Variants in DACH2 observed in about 807,000 individuals in gnomAD.
DACH2 encodes dachshund family transcription factor 2, also known as dachshund homolog 2.
DACH2 carries 17 observed loss-of-function variants against 35.8 expected under a neutral mutation model. The ratio of observed to expected loss-of-function variants is 0.48; its 90% confidence interval spans 0.33 to 0.71. The LOEUF (loss-of-function observed/expected upper bound fraction) is 0.71. DACH2 is among the 30% of genes least tolerant of loss of function. DACH2 has a pLI of 0.02. For synonymous variants in DACH2, 195 were observed against 177.3 expected, an observed-to-expected ratio of 1.10 and a Z score of -0.79; for missense variants, 469 against 472.7, an observed-to-expected ratio of 0.99 and a Z score of 0.07.
intron 3 of DACH2, among the ~76,000 whole-genome samples, chrX:86,603,594 G>A (rs1453533104): frequency 9.0e-6 from 1 of 111,044 alleles, no homozygotes; most frequent in Non-Finnish European, 1.9e-5. Context: ...CAAGTTATCT[G>A]ACTGCTTTAT....
chrX:86,793,667 A>C, intron 7 of DACH2, among the ~76,000 whole-genome samples: 1 of 112,510 alleles, frequency 8.9e-6, no homozygotes, highest in Non-Finnish European at 1.9e-5. Flanking sequence ...CTTCTAATTT[A>C]AACTCTAATG....
At chrX:86,813,473 G>A (rs780134708) in intron 9 of DACH2, among the ~76,000 whole-genome samples, 196 bp downstream of exon 9, 1 of 105,782 alleles carries the variant, frequency 9.5e-6, no homozygotes, top group Admixed American at 1.0e-4. Flanking sequence ...TTAGCTGGGC[G>A]TGGTGGTGGG....
chrX:86,524,382 C>G (rs527850393), intron 3 of DACH2, among the ~76,000 whole-genome samples: 5 of 111,942 alleles, frequency 4.5e-5, no homozygotes, highest in African/African-American at 1.6e-4. Context: ...TTTAAATGAG[C>G]AATATTGGAA....
intron 3 of DACH2, among the ~76,000 whole-genome samples, chrX:86,598,900 C>T (rs905280855): frequency 9.2e-6 from 1 of 109,035 alleles, no homozygotes; most frequent in Non-Finnish European, 1.9e-5. Flanking sequence ...GTGTGCTGCA[C>T]CCATTAACTC....
At chrX:86,653,964 G>A (rs1463205935) in intron 4 of DACH2, among the ~76,000 whole-genome samples, 1 of 109,719 alleles carries the variant, frequency 9.1e-6, no homozygotes, top group African/African-American at 3.3e-5. Context: ...ACTGCGCCCA[G>A]CCAATATTTT....
intron 3 of DACH2, among the ~76,000 whole-genome samples, chrX:86,648,282 A>G (rs2040437986): frequency 9.0e-6 from 1 of 110,996 alleles, no homozygotes; most frequent in Non-Finnish European, 1.9e-5. Flanking sequence ...CTAACTTACT[A>G]TTTTCTAGTT....
chrX:86,543,888 T>A (rs1183910123), intron 3 of DACH2, among the ~76,000 whole-genome samples: 1 of 104,215 alleles, frequency 9.6e-6, no homozygotes, highest in Non-Finnish European at 2.0e-5. Flanking sequence ...TAATGCTAGA[T>A]GACGAGTTAG....
chrX:86,183,532 A>G (rs2031570606), intron 1 of DACH2, among the ~76,000 whole-genome samples: 4 of 111,589 alleles, frequency 3.6e-5, no homozygotes, highest in Admixed American at 1.9e-4. Context: ...AGCTGACTTG[A>G]TTGTGGTGGA....
chrX:86,209,176 T>C (rs1213554285), intron 1 of DACH2, among the ~76,000 whole-genome samples: 3 of 111,743 alleles, frequency 2.7e-5, no homozygotes, highest in Non-Finnish European at 5.7e-5. Flanking sequence ...CCTATGGATG[T>C]GGCACTTGTT....
At chrX:86,673,652 G>A (rs1316734810) in intron 4 of DACH2, among the ~76,000 whole-genome samples, 2 of 111,141 alleles carry the variant, frequency 1.8e-5, no homozygotes. Flanking sequence ...AGGGGTGATT[G>A]TATTTTGTAG....
intron 3 of DACH2, among the ~76,000 whole-genome samples, chrX:86,609,691 G>A (rs1325889331): frequency 8.9e-6 from 1 of 111,814 alleles, no homozygotes; most frequent in African/African-American, 3.3e-5. Context: ...GCCCAGTAGT[G>A]CTGTGTTTAT....
intron 6 of DACH2, among the ~76,000 whole-genome samples, chrX:86,737,437 G>A (rs1673538443): frequency 8.9e-6 from 1 of 111,850 alleles, no homozygotes; most frequent in Non-Finnish European, 1.9e-5. Flanking sequence ...AGCATATATT[G>A]TAGCTAATAT....
At chrX:86,297,869 A>G (rs1307600355) in intron 1 of DACH2, among the ~76,000 whole-genome samples, 6 of 112,002 alleles carry the variant, frequency 5.4e-5, no homozygotes, top group African/African-American at 1.3e-4. Context: ...AGTGACCGCT[A>G]TTAATAATTA....
intron 9 of DACH2, among the ~76,000 whole-genome samples, chrX:86,814,340 A>G (rs1039022896): frequency 2.0e-4 from 23 of 112,277 alleles, no homozygotes; most frequent in African/African-American, 7.1e-4. Flanking sequence ...TTTTCTTAAG[A>G]GGATTACAAA....
rs768655432 is a variant in DACH2, at chrX:86,411,036, A to ATATATATATATATATATATATG, written c.527+34177_527+34178insATATATATATATATATATGTAT. Among the ~76,000 whole-genome samples, 338 of 79,896 alleles carry ATATATATATATATATATATATG rather than the reference A, an allele frequency of 4.2e-3. 6 individuals are homozygous for ATATATATATATATATATATATG. Among genetic ancestry groups the ATATATATATATATATATATATG allele is most frequent in the Middle Eastern group, 6.6e-3 (1 of 151 alleles). 69.4% of individuals were successfully genotyped at this position (79,896 alleles called of 115,157 possible). A position where few individuals can be genotyped will look rare whatever the true frequency, so the allele number is the denominator to read the frequency against. On this transcript the variant is annotated intron_variant, in intron 2 of 11. Transcript: ENST00000373125. ...CTAATATGATTATATATATATATAT[A>ATATATATATATATATATATATG]TATGTATATATGTAAAGGGGAGTTT...
At chrX:86,723,847 G>T (rs1267134148) in intron 6 of DACH2, among the ~76,000 whole-genome samples, 1 of 110,528 alleles carries the variant, frequency 9.0e-6, no homozygotes, top group Non-Finnish European at 1.9e-5. Context: ...TCCTCTTGCT[G>T]AATTGATCAT....
chrX:86,512,752 C>G (rs1333797631), intron 2 of DACH2: 2 of 222,653 alleles, frequency 9.0e-6, no homozygotes. Context: ...GGATATATTC[C>G]GATGAACATT....
intron 7 of DACH2, among the ~76,000 whole-genome samples, chrX:86,805,409 G>C (rs955407513): frequency 8.9e-6 from 1 of 112,655 alleles, no homozygotes; most frequent in Non-Finnish European, 1.9e-5. Flanking sequence ...TCCCTCCTAG[G>C]CCTCAAGGCC....
At chrX:86,657,659 G>A (rs897691295) in intron 4 of DACH2, among the ~76,000 whole-genome samples, 6 of 110,960 alleles carry the variant, frequency 5.4e-5, no homozygotes, top group East Asian at 2.8e-4. Flanking sequence ...CTTATAAGCC[G>A]TTTTCACAAG....
Sources: allele counts gnomAD v4.1 joint callset (sites outside exome capture counted in the v4.1 genomes callset), GRCh38; gene constraint gnomAD v4.1.1; transcripts MANE v1.5; gene names NCBI Gene and HGNC (gene_info 2026-07-23, HGNC 2026-07-21).